PAMR1: variants seen among roughly 807,000 people sequenced by gnomAD.
PAMR1 encodes peptidase domain containing associated with muscle regeneration 1.
Under a neutral mutation model 81.8 loss-of-function variants are expected in PAMR1, and 88 were observed. That is an observed-to-expected ratio of 1.08 (90% CI 0.91 to 1.28). The LOEUF (loss-of-function observed/expected upper bound fraction) is 1.28. PAMR1 is among the 50% of genes most tolerant of loss of function. The probability of loss-of-function intolerance (pLI) is 0.00; values close to 1 mark genes in which losing one functional copy is unlikely to be tolerated. For missense variants in PAMR1, 935 were observed against 919.7 expected, an observed-to-expected ratio of 1.02 and a Z score of -0.21; for synonymous variants, 336 against 345.3, an observed-to-expected ratio of 0.97 and a Z score of 0.30.
chr11:35,522,823 G>A (rs915410699), intron 1 of PAMR1, among the ~76,000 whole-genome samples: 8 of 152,120 alleles, frequency 5.3e-5, no homozygotes, highest in African/African-American at 1.2e-4. Flanking sequence ...TGTAAAACAC[G>A]GATAATAACA....
chr11:35,518,264 T>A (rs1403966722), intron 1 of PAMR1, among the ~76,000 whole-genome samples: 1 of 151,736 alleles, frequency 6.6e-6, no homozygotes, highest in Non-Finnish European at 1.5e-5. Flanking sequence ...AGGTTGAAAA[T>A]TATAGGAGTA....
At position 35,436,442 on chromosome 11, in the gene PAMR1, G is replaced by A. The variant is rs627975; in HGVS notation, c.1101-307C>T. ...TGGGATTACAGACATGCAACACCAC[G>A]CCCAGCTAATTTTTGTATTTGTAGT... On this transcript the variant is annotated intron_variant, in intron 8 of 10. Coordinates refer to ENST00000619888, the MANE Select transcript of PAMR1 (RefSeq NM_001001991.3). Among the ~76,000 whole-genome samples the A allele has an allele frequency of 6.0e-3, 911 of 152,092 alleles. 9 individuals are homozygous for A. Among genetic ancestry groups the A allele is most frequent in the African/African-American group, 0.021 (854 of 41,490 alleles).
At chr11:35,452,650 TA>T (rs1266185400) in intron 6 of PAMR1, among the ~76,000 whole-genome samples, 3 of 152,214 alleles carry the variant, frequency 2.0e-5, no homozygotes, top group Non-Finnish European at 4.4e-5. Context: ...CAAAGTTCTA[TA>T]ATCAGAAAAT....
intron 1 of PAMR1, among the ~76,000 whole-genome samples, chr11:35,496,077 C>T (rs1160155237): frequency 2.6e-5 from 4 of 152,276 alleles, no homozygotes; most frequent in South Asian, 2.1e-4. Context: ...TACTTAGCTG[C>T]GCTTCCCATG....
intron 6 of PAMR1, among the ~76,000 whole-genome samples, chr11:35,458,367 AT>A (rs1856577988): frequency 6.6e-6 from 1 of 152,116 alleles, no homozygotes; most frequent in South Asian, 2.1e-4. Flanking sequence ...TACTTTAATT[AT>A]TTGTACCCTG....
chr11:35,489,079 C>T (rs1850567497), intron 3 of PAMR1, among the ~76,000 whole-genome samples: 1 of 152,096 alleles, frequency 6.6e-6, no homozygotes. Flanking sequence ...TTTCCTTTTA[C>T]ATCTGTTGCT....
intron 6 of PAMR1, among the ~76,000 whole-genome samples, chr11:35,463,870 T>A (rs547618481): frequency 6.6e-6 from 1 of 152,178 alleles, no homozygotes; most frequent in African/African-American, 2.4e-5. Context: ...ATTCTTTATC[T>A]CCTGTCCCAT....
In PAMR1 at chr11:35,441,486, A is replaced by T. The variant is rs766662203; in HGVS notation, c.1028T>A (p.Ile343Lys). ...CAGAAACAATTGTAAGTTACCTTTT[A>T]TGCAGATGGGCTGTTTCCCTGACCA... ...GEWSGKQPICIKACREPKISD... is the reference protein window; with the variant it reads ...GEWSGKQPICKKACREPKISD... The change falls in exon 7 of 11, where the codon ATA becomes AAA. Residue 343 changes from isoleucine (I) to lysine (K), a missense_variant. By Grantham distance (102) the Ile-to-Lys change is moderately radical. Transcript: ENST00000619888. 9.3e-6 allele frequency: 15 copies of T among 1,609,266 alleles called. No individual in the cohort carries two copies. The highest frequency in any genetic ancestry group is 1.3e-5 in the Non-Finnish European group (15 of 1,177,050).
intron 6 of PAMR1, among the ~76,000 whole-genome samples, chr11:35,465,361 G>C (rs1276550921): frequency 6.6e-6 from 1 of 152,082 alleles, no homozygotes; most frequent in Non-Finnish European, 1.5e-5. Flanking sequence ...TTCAGAGTTT[G>C]GGGAACCCCA....
chr11:35,517,255 C>A lies in PAMR1; in HGVS notation c.73+8258G>T, dbSNP rs533542849. Among the ~76,000 whole-genome samples the A allele has an allele frequency of 4.5e-4, 68 of 152,318 alleles. No homozygotes were observed. In the South Asian group the frequency reaches 0.013, roughly 30 times the overall value. ...CCAAATTGATTAGTGCTGGCAAGAA[C>A]CTTTCTCATAGGAACATGGATGTGC... On this transcript the variant is annotated intron_variant, in intron 1 of 10. Transcript: ENST00000619888.
intron 6 of PAMR1, among the ~76,000 whole-genome samples, chr11:35,454,039 G>GT (rs978005399): frequency 2.6e-5 from 4 of 151,804 alleles, no homozygotes; most frequent in Non-Finnish European, 4.4e-5. Context: ...TCTTATTTTT[G>GT]TTTTTTTTCC....
chr11:35,437,321 G>T (rs1385118240), intron 8 of PAMR1, among the ~76,000 whole-genome samples: 1 of 152,228 alleles, frequency 6.6e-6, no homozygotes, highest in African/African-American at 2.4e-5. Flanking sequence ...GAGGCACGCA[G>T]TAAAGAAACT....
At chr11:35,499,032 G>T (rs1002459835) in intron 1 of PAMR1, among the ~76,000 whole-genome samples, 1 of 152,208 alleles carries the variant, frequency 6.6e-6, no homozygotes, top group African/African-American at 2.4e-5. Flanking sequence ...GTTCACCACT[G>T]CCAGGGCAGG....
chr11:35,524,499 A>C (rs1454294310), intron 1 of PAMR1, among the ~76,000 whole-genome samples: 1 of 152,156 alleles, frequency 6.6e-6, no homozygotes, highest in Admixed American at 6.5e-5. Context: ...GGCACTTGCC[A>C]GCTACTTGCA....
At chr11:35,527,458 T>C (rs898553938), upstream of PAMR1, among the ~76,000 whole-genome samples, 3 of 152,140 alleles carry the variant, frequency 2.0e-5, no homozygotes, top group Non-Finnish European at 2.9e-5. Context: ...TGAGTCTTGT[T>C]CCTACACTCA....
chr11:35,466,785 A>G (rs1856766553), intron 6 of PAMR1, among the ~76,000 whole-genome samples: 1 of 151,974 alleles, frequency 6.6e-6, no homozygotes, highest in Admixed American at 6.6e-5. Context: ...AACATACACA[A>G]ACTTTAGAGA....
intron 6 of PAMR1, among the ~76,000 whole-genome samples, chr11:35,448,004 G>C (rs1461527779): frequency 6.6e-6 from 1 of 152,184 alleles, no homozygotes; most frequent in African/African-American, 2.4e-5. Flanking sequence ...TTTCTCCTGA[G>C]ATATCGACTG....
chr11:35,472,461 T>C (rs1850205112), intron 4 of PAMR1, among the ~76,000 whole-genome samples: 1 of 152,152 alleles, frequency 6.6e-6, no homozygotes, highest in South Asian at 2.1e-4. Flanking sequence ...CCGGCCCTCA[T>C]GGAGATTAAT....
At position 35,432,673 on chromosome 11, in the gene PAMR1, T is replaced by C. The variant is rs1855937212; in HGVS notation, c.1846A>G (p.Thr616Ala). Residue 616 changes from threonine to alanine, a missense_variant, in exon 11 of 11, where the codon ACA becomes GCA. By Grantham distance (58) the Thr-to-Ala change is moderately conservative. Coordinates refer to ENST00000619888, the MANE Select transcript of PAMR1 (RefSeq NM_001001991.3). The part of the protein sequence containing the change: ...DVRSPGFKND[T>A]LRSGVVSVVD... ...ACACTGACCACCCCAGAGCGCAGTGTGTCGTTCTTGAAGCCAGGGCTCCTC... is the reference window on the plus strand; with the variant it reads ...ACACTGACCACCCCAGAGCGCAGTGCGTCGTTCTTGAAGCCAGGGCTCCTC... 6.2e-7 allele frequency: 1 copy of C among 1,613,448 alleles called. No individual in the cohort carries two copies. The highest frequency in any genetic ancestry group is 1.7e-5 in the Admixed American group (1 of 59,998).
Sources: allele counts gnomAD v4.1 joint callset (sites outside exome capture counted in the v4.1 genomes callset), GRCh38; gene constraint gnomAD v4.1.1; transcripts MANE v1.5; gene names NCBI Gene and HGNC (gene_info 2026-07-23, HGNC 2026-07-21).